EFR3B: variants seen among roughly 807,000 people sequenced by gnomAD.
EFR3B encodes protein EFR3 homolog B.
In EFR3B, 64 loss-of-function variants were observed where a neutral mutation model predicts 104.7. The observed-to-expected ratio is 0.61, with a 90% CI of 0.50 to 0.75. EFR3B has a LOEUF of 0.75. Among genes scored for constraint, EFR3B ranks in the 30% least tolerant of loss-of-function variants. The pLI, the probability that EFR3B is intolerant of heterozygous loss-of-function variation, is 0.00. For synonymous variants in EFR3B, 385 were observed against 417.9 expected (o/e 0.92, Z 0.96); for missense variants, 750 against 1,078.5 (o/e 0.70, Z 4.27).
intron 1 of EFR3B, among the ~76,000 whole-genome samples, chr2:25,046,542 G>A (rs1220651769): frequency 3.4e-5 from 4 of 118,866 alleles, no homozygotes; most frequent in South Asian, 3.0e-4. Context: ...TCTCGCTGTC[G>A]CCCAGGCTGG....
intron 1 of EFR3B, among the ~76,000 whole-genome samples, chr2:25,069,981 G>GCC (rs1553386617): frequency 1.3e-5 from 2 of 152,196 alleles, no homozygotes; most frequent in Non-Finnish European, 2.9e-5. Flanking sequence ...ACAGGCCTGA[G>GCC]CCCCCACACC....
intron 4 of EFR3B, among the ~76,000 whole-genome samples, chr2:25,120,940 C>T (rs1669995767): frequency 1.3e-5 from 2 of 152,088 alleles, no homozygotes; most frequent in South Asian, 2.1e-4. Flanking sequence ...CTCGCTCTAT[C>T]GCCCAGGCTG....
chr2:25,066,166 A>G (rs1188507565), intron 1 of EFR3B, among the ~76,000 whole-genome samples: 2 of 151,972 alleles, frequency 1.3e-5, no homozygotes, highest in African/African-American at 4.8e-5. Flanking sequence ...AGTTTGTCAC[A>G]CTTCCAGCTG....
At position 25,137,518 on chromosome 2, in the gene EFR3B, C is replaced by T. The variant is rs1670551195; in HGVS notation, c.1722+16C>T. 11 of 1,551,538 alleles carry T rather than the reference C, an allele frequency of 7.1e-6. No individual in the cohort carries two copies. Among genetic ancestry groups the T allele is most frequent in the South Asian group, 1.2e-5 (1 of 84,044 alleles). ...GGCTGTTCAGGTGGGGCCTGGTGTG[C>T]GCAGGGCATGGGGCTTGGGATCAGG... On this transcript the variant is annotated intron_variant, in intron 15 of 22. Transcript: ENST00000403714. The surrounding 1 kb of genome is among the most constrained non-coding windows in gnomAD (Gnocchi z 4.7).
At chr2:25,049,474 G>T (rs1667807976) in intron 1 of EFR3B, among the ~76,000 whole-genome samples, 1 of 152,214 alleles carries the variant, frequency 6.6e-6, no homozygotes, top group Admixed American at 6.5e-5. Context: ...AAGAACATTA[G>T]AATTTAACTG....
intron 1 of EFR3B, among the ~76,000 whole-genome samples, chr2:25,074,686 C>T (rs190128414): frequency 4.0e-5 from 6 of 150,068 alleles, no homozygotes; most frequent in East Asian, 2.0e-4. Context: ...GGCGTGATCT[C>T]GGCTCACTGC....
intron 5 of EFR3B, among the ~76,000 whole-genome samples, chr2:25,127,779 G>C (rs1301760002): frequency 6.6e-6 from 1 of 152,166 alleles, no homozygotes; most frequent in Non-Finnish European, 1.5e-5. Context: ...TCTCCCTCTG[G>C]ATCCGCCTCC....
intron 1 of EFR3B, among the ~76,000 whole-genome samples, chr2:25,073,766 T>C (rs1483019911): frequency 6.6e-6 from 1 of 152,110 alleles, no homozygotes; most frequent in Non-Finnish European, 1.5e-5. Context: ...GCCCCTTTGC[T>C]CAACAGTTTC....
intron 19 of EFR3B, among the ~76,000 whole-genome samples, chr2:25,148,689 A>T (rs6720422): frequency 6.7e-6 from 1 of 149,742 alleles, no homozygotes; most frequent in African/African-American, 2.4e-5. Context: ...TTGGGAGGCC[A>T]AGGCAGGCGG....
rs992213203 is a variant in EFR3B at position 25,156,053 on chromosome 2, C to A, written c.*1713C>A. The A allele has an allele frequency of 2.0e-5, 3 of 152,118 alleles. No individual in the cohort carries two copies. The highest frequency in any genetic ancestry group is 4.4e-5 in the Non-Finnish European group (3 of 68,066). The allele number at this position is 152,118 out of a possible 1,614,324, so 9.4% of individuals were successfully genotyped here. A position where few individuals can be genotyped will look rare whatever the true frequency, so the allele number is the denominator to read the frequency against. On this transcript the variant is annotated 3_prime_UTR_variant, in exon 23 of 23. Transcript: ENST00000403714. ...GGGGAGGGCAGGCTTCTCAGGACGG[C>A]CTCAGCTCATAGCCCCACGTGTGGT...
intron 1 of EFR3B, among the ~76,000 whole-genome samples, chr2:25,084,453 G>T (rs1483768412): frequency 3.3e-5 from 5 of 152,110 alleles, no homozygotes; most frequent in African/African-American, 1.2e-4. Context: ...TGGCCAGGCT[G>T]GTCTCGAACT....
Position 25,156,296 on chromosome 2 carries a change from T to C in EFR3B, c.*1956T>C, listed in dbSNP as rs1371612376. On this transcript the variant is annotated 3_prime_UTR_variant, in exon 23 of 23. Transcript: ENST00000403714. Reference sequence around the variant, plus strand: ...CACACAGCTTCTTTTTCTTGTTTTTTTTTTTTTTTTTTTTTTTTTGAGACA... The same window carrying C: ...CACACAGCTTCTTTTTCTTGTTTTTCTTTTTTTTTTTTTTTTTTTGAGACA... The C allele has an allele frequency of 1.5e-5, 2 of 135,106 alleles. No individual in the cohort carries two copies. Among genetic ancestry groups the C allele is most frequent in the African/African-American group, 2.9e-5 (1 of 34,556 alleles). 8.4% of individuals were successfully genotyped at this position (135,106 alleles called of 1,614,324 possible).
chr2:25,050,729 A>G (rs1489821867), intron 1 of EFR3B, among the ~76,000 whole-genome samples: 3 of 152,206 alleles, frequency 2.0e-5, no homozygotes, highest in African/African-American at 7.2e-5. Flanking sequence ...GCCATGTTGC[A>G]AATTCCATTT....
At chr2:25,057,847 A>G (rs1055440033) in intron 1 of EFR3B, among the ~76,000 whole-genome samples, 2 of 152,160 alleles carry the variant, frequency 1.3e-5, no homozygotes, top group African/African-American at 4.8e-5. Flanking sequence ...TTGTGCATCA[A>G]ATGATGCTTT....
intron 5 of EFR3B, among the ~76,000 whole-genome samples, chr2:25,122,731 C>T (rs1341728808): frequency 6.6e-6 from 1 of 152,096 alleles, no homozygotes; most frequent in Non-Finnish European, 1.5e-5. Context: ...ATGCCCACTC[C>T]TCCCTCACTC....
At chr2:25,047,323 A>G (rs1667749361) in intron 1 of EFR3B, among the ~76,000 whole-genome samples, 1 of 151,872 alleles carries the variant, frequency 6.6e-6, no homozygotes, top group Non-Finnish European at 1.5e-5. Flanking sequence ...TCTGAACCCT[A>G]GCTCCGACCC....
At chr2:25,089,377 C>T (rs1669050353) in intron 1 of EFR3B, among the ~76,000 whole-genome samples, 1 of 152,188 alleles carries the variant, frequency 6.6e-6, no homozygotes, top group African/African-American at 2.4e-5. Flanking sequence ...CCTCAGCTCA[C>T]AGGCCCTTCA....
Position 25,130,263 on chromosome 2 carries a change from G to A in EFR3B, c.770+154G>A, listed in dbSNP as rs958155358. Among the ~76,000 whole-genome samples, 1 of 152,224 alleles carries A rather than the reference G, an allele frequency of 6.6e-6. No homozygotes were observed. The highest frequency in any genetic ancestry group is 1.5e-5 in the Non-Finnish European group (1 of 68,038). On this transcript the variant is annotated intron_variant, in intron 7 of 22. Transcript: ENST00000403714. The surrounding 1 kb of genome is among the most constrained non-coding windows in gnomAD (Gnocchi z 4.6). ...TCCCTGTGCCTGTGTTCCCTGCACT[G>A]TGACAGCAAAAGCTGCCACAGGGTG...
At chr2:25,051,608 G>T (rs1667870430) in intron 1 of EFR3B, among the ~76,000 whole-genome samples, 1 of 148,542 alleles carries the variant, frequency 6.7e-6, no homozygotes, top group Admixed American at 6.7e-5. Context: ...TGAAAGCAGA[G>T]AACACATTTC....
Sources: gnomAD v4.1 joint callset for allele counts (sites outside exome capture counted in the v4.1 genomes callset) on GRCh38, gnomAD v4.1.1 for gene constraint, Gnocchi (gnomAD v3.1) non-coding constraint, MANE v1.5 for transcripts, NCBI Gene and HGNC (gene_info 2026-07-23, HGNC 2026-07-21) for gene names.